ULK4: variants seen among roughly 807,000 people sequenced by gnomAD.
The protein encoded by ULK4 is inactive serine/threonine-protein kinase ULK4.
ULK4 carries 133 observed loss-of-function variants against 160.6 expected under a neutral mutation model. The ratio of observed to expected loss-of-function variants is 0.83; its 90% CI spans 0.72 to 0.96. The LOEUF is 0.96. Ranked by LOEUF, ULK4 falls within the 40% of genes least tolerant of loss-of-function variation. ULK4 has a pLI of 0.00. For missense variants in ULK4, 1,580 were observed against 1,499.5 expected, an observed-to-expected ratio of 1.05 and a Z score of -0.89; for synonymous variants, 534 against 539.8, an observed-to-expected ratio of 0.99 and a Z score of 0.15.
At position 41,543,148 on chromosome 3, in the gene ULK4, G is replaced by T. The variant is rs2086751042; in HGVS notation, c.3226+22877C>A. On this transcript the variant is annotated intron_variant, in intron 32 of 36. Coordinates refer to ENST00000301831, the MANE Select transcript of ULK4 (RefSeq NM_017886.4). ...TCAGTGCTGCCATGGATCAGTGACT[G>T]CTAGGTGCCTTCTGTTTTTCTACTT... Among the ~76,000 whole-genome samples, 4 of 152,170 alleles carry T rather than the reference G, an allele frequency of 2.6e-5. No homozygotes were observed. In the South Asian group the frequency reaches 8.3e-4, roughly 32 times the overall value.
At chr3:41,304,402 G>A (rs2079863237) in intron 35 of ULK4, among the ~76,000 whole-genome samples, 1 of 151,924 alleles carries the variant, frequency 6.6e-6, no homozygotes, top group Non-Finnish European at 1.5e-5. Flanking sequence ...AAATATTTAA[G>A]AGAAGACAGT....
At chr3:41,327,917 G>A (rs1276008844) in intron 35 of ULK4, among the ~76,000 whole-genome samples, 2 of 152,204 alleles carry the variant, frequency 1.3e-5, no homozygotes, top group Non-Finnish European at 2.9e-5. Context: ...CTGTTCCAGT[G>A]AGTCAGAGGT....
intron 31 of ULK4, among the ~76,000 whole-genome samples, chr3:41,612,966 A>T (rs2032756239): frequency 1.3e-5 from 2 of 152,236 alleles, no homozygotes; most frequent in African/African-American, 4.8e-5. Flanking sequence ...TAAAGAAAAA[A>T]GTCATCAGGA....
intron 21 of ULK4, among the ~76,000 whole-genome samples, chr3:41,754,747 T>C (rs1351426092): frequency 6.6e-6 from 1 of 152,192 alleles, no homozygotes; most frequent in Non-Finnish European, 1.5e-5. Context: ...AATTAAGCAA[T>C]TTACCCAAAT....
At chr3:41,268,819 A>G (rs2079090988) in intron 35 of ULK4, among the ~76,000 whole-genome samples, 1 of 150,006 alleles carries the variant, frequency 6.7e-6, no homozygotes, top group Admixed American at 6.6e-5. Context: ...CACACAAAAA[A>G]AAAAAAAAAA....
chr3:41,418,746 T>C (rs746323021), intron 34 of ULK4, among the ~76,000 whole-genome samples: 1 of 152,212 alleles, frequency 6.6e-6, no homozygotes, highest in African/African-American at 2.4e-5. Context: ...GGTGGAGAAC[T>C]TGAAGTCTCT....
At chr3:41,349,237 C>T (rs2080864273) in intron 35 of ULK4, among the ~76,000 whole-genome samples, 1 of 152,214 alleles carries the variant, frequency 6.6e-6, no homozygotes, top group African/African-American at 2.4e-5. Flanking sequence ...CCACAAATAT[C>T]CATCTATCCT....
chr3:41,478,273 G>A (rs1027868394), intron 32 of ULK4, among the ~76,000 whole-genome samples: 6 of 152,276 alleles, frequency 3.9e-5, no homozygotes, highest in Admixed American at 1.3e-4. Flanking sequence ...CCTATAATCC[G>A]AAAGAACCTG....
chr3:41,392,249 G>C (rs1032650706), intron 35 of ULK4, among the ~76,000 whole-genome samples: 1 of 152,108 alleles, frequency 6.6e-6, no homozygotes, highest in Admixed American at 6.6e-5. Flanking sequence ...TTCAATTACA[G>C]CAGATAATTA....
rs536163958 is a variant in ULK4 at position 41,760,022 on chromosome 3, G to A, written c.2194-5534C>T. ...AAATTTCTCCCCTGTGAAGGACACT[G>A]TAAGAAAAGACAAGCCACATACTGA... On this transcript the variant is annotated intron_variant, in intron 21 of 36. Coordinates refer to ENST00000301831, the MANE Select transcript of ULK4 (RefSeq NM_017886.4). Among the ~76,000 whole-genome samples, 3 of 152,192 alleles carry A rather than the reference G, an allele frequency of 2.0e-5. No homozygotes were observed. The South Asian group carries it at 6.2e-4, about 32-fold the overall frequency.
intron 30 of ULK4, among the ~76,000 whole-genome samples, chr3:41,651,923 C>T (rs1315205169): frequency 1.3e-5 from 2 of 152,130 alleles, no homozygotes; most frequent in East Asian, 3.9e-4. Context: ...AGAGACATCA[C>T]CATGGAGAGC....
At chr3:41,943,941 C>G (rs1316174462) in intron 2 of ULK4, among the ~76,000 whole-genome samples, 1 of 152,174 alleles carries the variant, frequency 6.6e-6, no homozygotes, top group Admixed American at 6.5e-5. Flanking sequence ...TAGCTGCTTA[C>G]CTAAATCTTT....
chr3:41,772,583 T>A (rs1473584744), intron 21 of ULK4, among the ~76,000 whole-genome samples: 1 of 152,122 alleles, frequency 6.6e-6, no homozygotes. Context: ...AATTAATAGC[T>A]TATCAACCAA....
At chr3:41,695,933 A>G (rs1003230470) in intron 27 of ULK4, among the ~76,000 whole-genome samples, 36 of 152,344 alleles carry the variant, frequency 2.4e-4, no homozygotes, top group African/African-American at 8.2e-4. Flanking sequence ...AGAAGTGACC[A>G]GAAGACAAGA....
At chr3:41,716,538 C>T (rs898883646) in intron 23 of ULK4, among the ~76,000 whole-genome samples, 1 of 152,112 alleles carries the variant, frequency 6.6e-6, no homozygotes, top group Admixed American at 6.5e-5. Flanking sequence ...CAGTCATCAA[C>T]AGGCAAAAAT....
At chr3:41,347,767 G>A (rs921766398) in intron 35 of ULK4, among the ~76,000 whole-genome samples, 4 of 152,058 alleles carry the variant, frequency 2.6e-5, no homozygotes, top group African/African-American at 7.2e-5. Context: ...ATCCCACATC[G>A]TGTCATCTAC....
intron 17 of ULK4, among the ~76,000 whole-genome samples, chr3:41,851,528 C>A (rs1030664381): frequency 6.6e-6 from 1 of 152,086 alleles, no homozygotes; most frequent in Admixed American, 6.6e-5. Flanking sequence ...GGATATTGGT[C>A]TAAAATTCTC....
chr3:41,701,701 G>C (rs1559494764), intron 27 of ULK4, among the ~76,000 whole-genome samples: 1 of 152,160 alleles, frequency 6.6e-6, no homozygotes. Flanking sequence ...TGATAGTAAA[G>C]TCTGGTGGAT....
intron 35 of ULK4, among the ~76,000 whole-genome samples, chr3:41,301,618 T>G (rs2079800541): frequency 6.6e-6 from 1 of 152,212 alleles, no homozygotes; most frequent in Admixed American, 6.5e-5. Flanking sequence ...AAGGCATACA[T>G]CTGAGGAAAT....
Sources: allele counts gnomAD v4.1 joint callset (sites outside exome capture counted in the v4.1 genomes callset), GRCh38; gene constraint gnomAD v4.1.1; transcripts MANE v1.5; gene names NCBI Gene and HGNC (gene_info 2026-07-23, HGNC 2026-07-21).